KCNH5: variants seen among roughly 807,000 people sequenced by gnomAD.
KCNH5 encodes the protein voltage-gated delayed rectifier potassium channel KCNH5.
KCNH5 carries 46 observed loss-of-function variants against 96.1 expected under a neutral mutation model. The observed-to-expected ratio is 0.48, with a 90% confidence interval of 0.38 to 0.61. The LOEUF is 0.61. KCNH5 is among the 20% of genes least tolerant of loss of function. The pLI, the probability that KCNH5 is intolerant of heterozygous loss-of-function variation, is 0.00. For missense variants in KCNH5, 907 were observed against 1,225.8 expected, an observed-to-expected ratio of 0.74 and a Z score of 3.88; for synonymous variants, 439 against 449.8, an observed-to-expected ratio of 0.98 and a Z score of 0.30.
chr14:62,703,251 TG>T lies in KCNH5; in HGVS notation c.*4256del, dbSNP rs1884374861. On this transcript the variant is annotated 3_prime_UTR_variant, in exon 11 of 11. Coordinates refer to ENST00000322893, the MANE Select transcript of KCNH5 (RefSeq NM_139318.5). ...AACTATGCCTCTCTCCATTAACCTC[TG>T]ACCAGATAAATCTCTTCTAAAACCT... 1.3e-5 allele frequency: 2 copies of T among 151,908 alleles called. No homozygotes were observed. The highest frequency in any genetic ancestry group is 2.9e-5 in the Non-Finnish European group (2 of 67,798). 9.4% of individuals were successfully genotyped at this position (151,908 alleles called of 1,614,324 possible).
chr14:62,842,997 C>T (rs1887616610), intron 8 of KCNH5, among the ~76,000 whole-genome samples: 1 of 152,152 alleles, frequency 6.6e-6, no homozygotes, highest in Non-Finnish European at 1.5e-5. Flanking sequence ...CTATGTTCTA[C>T]ATATGTGCCT....
At chr14:62,761,947 C>T (rs1885760755) in intron 10 of KCNH5, among the ~76,000 whole-genome samples, 1 of 152,124 alleles carries the variant, frequency 6.6e-6, no homozygotes, top group South Asian at 2.1e-4. Flanking sequence ...CTGCCAAGCA[C>T]CAGTACTCAT....
Position 63,001,330 on chromosome 14 carries a change from C to T in KCNH5, c.433+1G>A. ...AGTGTAGTAATTCTTTTGAAAATTA[C>T]CTTTTGTTGAATCATCCTCTATTGG... On this transcript the variant is annotated splice_donor_variant, in intron 4 of 10. Transcript: ENST00000322893. LOFTEE classifies it high-confidence loss of function. The T allele has an allele frequency of 6.3e-7, 1 of 1,592,562 alleles. No homozygotes were observed. Among genetic ancestry groups the T allele is most frequent in the Non-Finnish European group, 8.5e-7 (1 of 1,171,196 alleles).
chr14:62,999,159 A>C (rs1056643856), intron 4 of KCNH5, among the ~76,000 whole-genome samples: 2 of 152,168 alleles, frequency 1.3e-5, no homozygotes, highest in South Asian at 2.1e-4. Context: ...CCAACAGTGT[A>C]AAAGTGTTCC....
At chr14:62,991,746 T>C (rs1890812315) in intron 4 of KCNH5, among the ~76,000 whole-genome samples, 1 of 152,036 alleles carries the variant, frequency 6.6e-6, no homozygotes. Flanking sequence ...ACAACACCTA[T>C]GCTGTCCTTC....
intron 7 of KCNH5, among the ~76,000 whole-genome samples, chr14:62,921,762 A>C (rs1382065881): frequency 2.0e-5 from 3 of 152,096 alleles, no homozygotes; most frequent in Admixed American, 6.6e-5. Flanking sequence ...CTTGGGGTTC[A>C]CCAGCCTAGT....
In KCNH5 at chr14:62,774,572, AC is replaced by A. The variant is rs1886057730; in HGVS notation, c.2019+5155del. Among the ~76,000 whole-genome samples the A allele has an allele frequency of 2.0e-5, 3 of 152,292 alleles. No individual in the cohort carries two copies. The South Asian group carries it at 6.2e-4, about 32-fold the overall frequency. ...TTAAAATGTAGGTGTCACCTGTGTTACCTTTTTATGTGTGTGTCAAAGAAGG... is the reference window on the plus strand; with the variant it reads ...TTAAAATGTAGGTGTCACCTGTGTTACTTTTTATGTGTGTGTCAAAGAAGG... On this transcript the variant is annotated intron_variant, in intron 10 of 10. Transcript: ENST00000322893.
chr14:62,909,262 G>A (rs1173203044), intron 7 of KCNH5, among the ~76,000 whole-genome samples: 1 of 151,160 alleles, frequency 6.6e-6, no homozygotes, highest in Non-Finnish European at 1.5e-5. Context: ...AGCCGGGATG[G>A]TCTCGATCTC....
At chr14:62,822,328 A>C (rs971281644) in intron 8 of KCNH5, among the ~76,000 whole-genome samples, 1 of 152,082 alleles carries the variant, frequency 6.6e-6, no homozygotes, top group African/African-American at 2.4e-5. Flanking sequence ...CCACTGAAAA[A>C]CGATTAAGGA....
At position 62,700,735 on chromosome 14, in the gene KCNH5, C is replaced by A. The variant is rs1454757916; in HGVS notation, c.*6773G>T. ...TTGCATAGTTTACTAGCTAGGTATT[C>A]TTCCTGTTTGCAGTCTTGGCTTCAT... On this transcript the variant is annotated 3_prime_UTR_variant, in exon 11 of 11. Coordinates refer to ENST00000322893, the MANE Select transcript of KCNH5 (RefSeq NM_139318.5). 3.3e-5 allele frequency: 5 copies of A among 152,148 alleles called. No homozygotes were observed. Among genetic ancestry groups the A allele is most frequent in the Non-Finnish European group, 7.4e-5 (5 of 68,016 alleles). The allele number at this position is 152,148 out of a possible 1,614,324, so 9.4% of individuals were successfully genotyped here. A position where few individuals can be genotyped will look rare whatever the true frequency, so the allele number is the denominator to read the frequency against.
intron 7 of KCNH5, among the ~76,000 whole-genome samples, chr14:62,875,933 C>G (rs1444898304): frequency 6.6e-6 from 1 of 152,168 alleles, no homozygotes; most frequent in Non-Finnish European, 1.5e-5. Flanking sequence ...CTTTGGGAGG[C>G]CGAGGCAGGC....
At chr14:63,020,786 TA>T (rs1383014129) in intron 1 of KCNH5, among the ~76,000 whole-genome samples, 1 of 152,108 alleles carries the variant, frequency 6.6e-6, no homozygotes, top group African/African-American at 2.4e-5. Flanking sequence ...TTTTGCTGCA[TA>T]AAAATTTTTT....
intron 2 of KCNH5, 145 bp downstream of exon 2, chr14:63,016,686 T>G: frequency 2.8e-6 from 2 of 703,414 alleles, no homozygotes; most frequent in African/African-American, 1.9e-5. Flanking sequence ...TGTGTTTCCA[T>G]TGATAATTTA....
At chr14:62,838,520 G>A (rs774533613) in intron 8 of KCNH5, among the ~76,000 whole-genome samples, 1 of 152,132 alleles carries the variant, frequency 6.6e-6, no homozygotes, top group East Asian at 1.9e-4. Flanking sequence ...TACAATTTCA[G>A]TCAAAAGCTA....
rs61033705 is a variant in KCNH5 at position 62,910,941 on chromosome 14, A to ACACACCC, written c.1369+39191_1369+39192insGGGTGTG. 7.7e-4 allele frequency among the ~76,000 whole-genome samples: 108 copies of ACACACCC among 140,880 alleles called. 2 individuals are homozygous for ACACACCC. Among genetic ancestry groups the ACACACCC allele is most frequent in the South Asian group, 5.7e-3 (24 of 4,242 alleles). 92.4% of individuals were successfully genotyped at this position (140,880 alleles called of 152,430 possible). On this transcript the variant is annotated intron_variant, in intron 7 of 10. Coordinates refer to ENST00000322893, the MANE Select transcript of KCNH5 (RefSeq NM_139318.5). ...CACACACACACACACACACACACAC[A>ACACACCC]CCCCTCTGTTGTTCTGTCATCCTAT...
intron 7 of KCNH5, among the ~76,000 whole-genome samples, chr14:62,948,680 A>G (rs1192312878): frequency 1.3e-5 from 2 of 151,298 alleles, no homozygotes; most frequent in African/African-American, 2.5e-5. Context: ...TCATTCTGAT[A>G]CCAAAGCCGG....
intron 8 of KCNH5, among the ~76,000 whole-genome samples, chr14:62,817,765 C>A (rs1367483374): frequency 7.2e-6 from 1 of 138,770 alleles, no homozygotes; most frequent in East Asian, 2.0e-4. Flanking sequence ...TATTATATTC[C>A]TATATATTCT....
intron 8 of KCNH5, among the ~76,000 whole-genome samples, chr14:62,840,188 C>T (rs2140036087): frequency 6.6e-6 from 1 of 152,222 alleles, no homozygotes; most frequent in Admixed American, 6.5e-5. Flanking sequence ...TTTTTAAATT[C>T]TCCCATTATA....
chr14:62,791,425 T>A (rs1004206525), intron 9 of KCNH5, among the ~76,000 whole-genome samples: 4 of 151,566 alleles, frequency 2.6e-5, no homozygotes, highest in Non-Finnish European at 5.9e-5. Flanking sequence ...AGTCTTTACC[T>A]ATCAATACCC....
Sources: allele counts gnomAD v4.1 joint callset (sites outside exome capture counted in the v4.1 genomes callset), GRCh38; gene constraint gnomAD v4.1.1; transcripts MANE v1.5; gene names NCBI Gene and HGNC (gene_info 2026-07-23, HGNC 2026-07-21).